PCDHGB1: variants seen among roughly 807,000 people sequenced by gnomAD.
PCDHGB1 encodes the protein protocadherin gamma-B1.
PCDHGB1 carries 34 observed loss-of-function variants against 56.6 expected under a neutral mutation model. The ratio of observed to expected loss-of-function variants is 0.60; its 90% confidence interval spans 0.46 to 0.80. The LOEUF is 0.80. Ranked by LOEUF, PCDHGB1 falls within the 30% of genes least tolerant of loss-of-function variation. The pLI is 0.00. For synonymous variants in PCDHGB1, 561 were observed against 505.9 expected (o/e 1.11, Z -1.46); for missense variants, 1,278 against 1,204.6 (o/e 1.06, Z -0.90).
In PCDHGB1 at chr5:141,415,247, C is replaced by T. The variant is rs181239359; in HGVS notation, c.2409+62578C>T. The stretch of plus-strand genomic sequence containing the variant: ...GAGTCTCCAGCTAACTCTGAAACCT[C>T]AGACCTCACTCTGTACCTGGTGGTA... On this transcript the variant is annotated intron_variant, in intron 1 of 3. Transcript: ENST00000523390. 958 of 1,614,210 alleles carry T rather than the reference C, an allele frequency of 5.9e-4. 13 individuals are homozygous for T. The East Asian group carries it at 0.015, about 25-fold the overall frequency.
chr5:141,507,101 T>C (rs1341285140), intron 3 of PCDHGB1: 2 of 152,204 alleles, frequency 1.3e-5, no homozygotes, highest in African/African-American at 2.4e-5. Flanking sequence ...CTTTCTACTA[T>C]AGGGACCATG....
intron 1 of PCDHGB1, chr5:141,392,261 A>C (rs2150475228): frequency 6.6e-6 from 1 of 152,338 alleles, no homozygotes; most frequent in Admixed American, 6.5e-5. Flanking sequence ...TATTGGAGAC[A>C]TTTACAATAA....
intron 1 of PCDHGB1, chr5:141,433,097 G>C: frequency 6.2e-7 from 1 of 1,614,162 alleles, no homozygotes; most frequent in Non-Finnish European, 8.5e-7. Context: ...AGACATGCTC[G>C]TCAGCCAGGA....
At chr5:141,441,638 G>A (rs1456506194) in intron 1 of PCDHGB1, 2 of 226,008 alleles carry the variant, frequency 8.8e-6, no homozygotes, top group Non-Finnish European at 1.8e-5. Flanking sequence ...AGCCACAGGC[G>A]CTGTGATTCT....
intron 1 of PCDHGB1, chr5:141,367,812 C>T (rs1012186611): frequency 2.6e-5 from 4 of 151,872 alleles, no homozygotes; most frequent in African/African-American, 9.7e-5. Context: ...ATAGATAAAC[C>T]CTTTACTTAT....
intron 1 of PCDHGB1, among the ~76,000 whole-genome samples, chr5:141,452,316 T>C (rs2098738639): frequency 6.6e-6 from 1 of 152,208 alleles, no homozygotes; most frequent in Non-Finnish European, 1.5e-5. Flanking sequence ...ACTCATACTT[T>C]CCTTGTTCCA....
intron 1 of PCDHGB1, chr5:141,389,501 G>A (rs752472089): frequency 3.7e-6 from 6 of 1,613,066 alleles, no homozygotes; most frequent in Non-Finnish European, 5.1e-6. Context: ...GCTCGCCAGC[G>A]CTCAGCGCGA....
chr5:141,377,007 T>A (rs985572001), intron 1 of PCDHGB1: 1 of 155,470 alleles, frequency 6.4e-6, no homozygotes, highest in African/African-American at 2.4e-5. Context: ...TTTTTATTGG[T>A]TGACAGGAAA....
At chr5:141,355,340 A>G (rs1203546160) in intron 1 of PCDHGB1, 1 of 1,614,038 alleles carries the variant, frequency 6.2e-7, no homozygotes, top group Non-Finnish European at 8.5e-7. Flanking sequence ...GTGGTGGGCA[A>G]CATCGCCAAG....
At chr5:141,398,496 C>G (rs1435117425) in intron 1 of PCDHGB1, 2 of 1,608,668 alleles carry the variant, frequency 1.2e-6, no homozygotes, top group Admixed American at 1.7e-5. Context: ...ATGTGGAGAT[C>G]GAGGACATTA....
chr5:141,355,379 C>T (rs771278815), intron 1 of PCDHGB1: 1 of 1,614,018 alleles, frequency 6.2e-7, no homozygotes, highest in South Asian at 1.1e-5. Context: ...CGGGAGCTGG[C>T]GGAGCGCGGA....
intron 1 of PCDHGB1, chr5:141,478,753 G>A (rs2099475642): frequency 2.0e-6 from 3 of 1,519,424 alleles, no homozygotes; most frequent in Admixed American, 2.1e-5. Context: ...ATTTCAGGGG[G>A]AAGATACTTG....
intron 1 of PCDHGB1, chr5:141,366,767 C>T (rs1286412324): frequency 5.0e-6 from 8 of 1,601,956 alleles, no homozygotes; most frequent in East Asian, 4.5e-5. Flanking sequence ...TTTTCTCTTT[C>T]GGTAAGGATG....
At chr5:141,422,997 C>A in intron 1 of PCDHGB1, 3 of 1,614,218 alleles carry the variant, frequency 1.9e-6, no homozygotes, top group Non-Finnish European at 2.5e-6. Flanking sequence ...ACCTGGTGAC[C>A]AAGGTGGTTG....
chr5:141,418,987 A>AG (rs781016682), intron 1 of PCDHGB1: 1 of 1,613,974 alleles, frequency 6.2e-7, no homozygotes, highest in South Asian at 1.1e-5. Context: ...ACCAAGACTC[A>AG]GGGGAAAATG....
intron 1 of PCDHGB1, chr5:141,410,353 C>T: frequency 1.9e-6 from 3 of 1,614,078 alleles, no homozygotes; most frequent in Non-Finnish European, 2.5e-6. Flanking sequence ...GCCTGCGACG[C>T]TCTCTCAGCC....
chr5:141,370,311 A>G, intron 1 of PCDHGB1: 8 of 1,247,000 alleles, frequency 6.4e-6, no homozygotes, highest in Non-Finnish European at 8.9e-6. Context: ...CAAAGCAAAT[A>G]GTTGGTCCTG....
At chr5:141,421,616 AC>A in intron 1 of PCDHGB1, 1 of 1,613,792 alleles carries the variant, frequency 6.2e-7, no homozygotes, top group Non-Finnish European at 8.5e-7. Context: ...ATTAATGATA[AC>A]GCCCCCAGCT....
intron 1 of PCDHGB1, among the ~76,000 whole-genome samples, chr5:141,467,372 T>C (rs1006663543): frequency 2.0e-5 from 3 of 152,072 alleles, no homozygotes; most frequent in African/African-American, 7.2e-5. Flanking sequence ...TTTTCTTATA[T>C]TGCATTTAGG....
Sources: allele counts gnomAD v4.1 joint callset (sites outside exome capture counted in the v4.1 genomes callset), GRCh38; gene constraint gnomAD v4.1.1; transcripts MANE v1.5; gene names NCBI Gene and HGNC (gene_info 2026-07-23, HGNC 2026-07-21).